JMJD1C: variants seen among roughly 807,000 people sequenced by gnomAD.
The protein encoded by JMJD1C is jumonji domain containing 1C.
A neutral mutation model predicts 245.3 loss-of-function variants in JMJD1C; 31 were observed. The observed-to-expected ratio is 0.13, with a 90% CI of 0.09 to 0.17. The LOEUF (loss-of-function observed/expected upper bound fraction) is 0.17. Among genes scored for constraint, JMJD1C ranks in the 10% least tolerant of loss-of-function variants. The pLI, the probability that JMJD1C is intolerant of heterozygous loss-of-function variation, is 1.00. For synonymous variants in JMJD1C, 1,057 were observed against 1,017.4 expected (o/e 1.04, Z -0.74); for missense variants, 2,691 against 3,000.2 (o/e 0.90, Z 2.41).
chr10:63,513,010 T>C (rs565274153), intron 1 of JMJD1C, among the ~76,000 whole-genome samples: 1 of 152,208 alleles, frequency 6.6e-6, no homozygotes, highest in African/African-American at 2.4e-5. Context: ...TACAATATTT[T>C]TTACTATTTT....
intron 3 of JMJD1C, chr10:63,222,270 C>A: frequency 1.2e-6 from 1 of 858,456 alleles, no homozygotes; most frequent in Non-Finnish European, 2.0e-6. Context: ...ACAGGGAGAG[C>A]TGTCGAGATT....
chr10:63,422,665 A>C (rs1460283712), intron 1 of JMJD1C, among the ~76,000 whole-genome samples: 1 of 152,172 alleles, frequency 6.6e-6, no homozygotes, highest in African/African-American at 2.4e-5. Flanking sequence ...CTTTTTGCGT[A>C]GAGAGCATGA....
At chr10:63,434,557 G>A (rs928347915) in intron 1 of JMJD1C, among the ~76,000 whole-genome samples, 1 of 152,006 alleles carries the variant, frequency 6.6e-6, no homozygotes, top group Non-Finnish European at 1.5e-5. Context: ...TTCCAGAGGA[G>A]GTTCTCTCTA....
Position 63,427,668 on chromosome 10 carries a change from C to T in JMJD1C, c.168+37827G>A, listed in dbSNP as rs573645780. 4,735 of 1,306,442 alleles carry T rather than the reference C, an allele frequency of 3.6e-3. 13 individuals carry two copies. Among genetic ancestry groups the T allele is most frequent in the Non-Finnish European group, 4.3e-3 (3,895 of 904,320 alleles). 80.9% of individuals were successfully genotyped at this position (1,306,442 alleles called of 1,614,324 possible). On this transcript the variant is annotated intron_variant, in intron 1 of 25. Transcript: ENST00000399262. Reference sequence around the variant, plus strand: ...TGAACTCTAACAACAGTGGCTGGACCGAAATCCGCAGAGAAGCCTGGGTCT... The same window carrying T: ...TGAACTCTAACAACAGTGGCTGGACTGAAATCCGCAGAGAAGCCTGGGTCT...
chr10:63,473,753 ATACT>A (rs1953568100), intron 1 of JMJD1C, among the ~76,000 whole-genome samples: 1 of 152,016 alleles, frequency 6.6e-6, no homozygotes, highest in African/African-American at 2.4e-5. Context: ...ACTGAAATAC[ATACT>A]TGGGGCCAGG....
intron 1 of JMJD1C, among the ~76,000 whole-genome samples, chr10:63,504,632 T>C (rs1954661663): frequency 6.6e-6 from 1 of 152,078 alleles, no homozygotes; most frequent in African/African-American, 2.4e-5. Context: ...TGGGCAAACA[T>C]GAAATTTAAT....
In JMJD1C at chr10:63,184,386, G is replaced by A. The variant is rs548565400; in HGVS notation, c.6961+222C>T. Among the ~76,000 whole-genome samples the A allele has an allele frequency of 2.0e-5, 3 of 152,150 alleles. No individual in the cohort carries two copies. In the South Asian group the frequency reaches 6.2e-4, roughly 32 times the overall value. The stretch of plus-strand genomic sequence containing the variant: ...GCCTCCTGAGTAGCTGGGACTATAG[G>A]CGCACGCCACCACACCTGGCTAATT... On this transcript the variant is annotated intron_variant, in intron 21 of 25. Transcript: ENST00000399262.
chr10:63,467,649 T>C (rs548804796), upstream of JMJD1C, among the ~76,000 whole-genome samples: 8 of 152,398 alleles, frequency 5.2e-5, no homozygotes, highest in Admixed American at 4.6e-4. Flanking sequence ...GTGTACACTG[T>C]ATAATACTTA....
At chr10:63,442,740 T>C (rs1462392628) in intron 1 of JMJD1C, among the ~76,000 whole-genome samples, 1 of 152,238 alleles carries the variant, frequency 6.6e-6, no homozygotes, top group African/African-American at 2.4e-5. Context: ...AGCTTCTCCA[T>C]TAAGCCTTCC....
chr10:63,370,857 T>A (rs890777132), intron 2 of JMJD1C, among the ~76,000 whole-genome samples: 1 of 152,218 alleles, frequency 6.6e-6, no homozygotes, highest in Non-Finnish European at 1.5e-5. Context: ...AAATACTGAA[T>A]AACATCATTA....
chr10:63,320,012 C>T (rs1940649981), intron 2 of JMJD1C, among the ~76,000 whole-genome samples: 2 of 151,626 alleles, frequency 1.3e-5, no homozygotes, highest in South Asian at 4.2e-4. Flanking sequence ...GTGATCCACC[C>T]GCCTCAGCCT....
chr10:63,448,037 G>A (rs1228171331), intron 1 of JMJD1C, among the ~76,000 whole-genome samples: 3 of 152,088 alleles, frequency 2.0e-5, no homozygotes, highest in Non-Finnish European at 2.9e-5. Context: ...TTTGTCCTAT[G>A]TAAAAATAAA....
At chr10:63,481,958 G>A (rs1289401342) in intron 1 of JMJD1C, among the ~76,000 whole-genome samples, 1 of 152,168 alleles carries the variant, frequency 6.6e-6, no homozygotes, top group Admixed American at 6.5e-5. Flanking sequence ...TCATCTAGAT[G>A]TATGACGAAC....
At chr10:63,465,192 T>A in intron 1 of JMJD1C, 1 of 359,318 alleles carries the variant, frequency 2.8e-6, no homozygotes, top group Non-Finnish European at 5.0e-6. Flanking sequence ...TTCGGGGAGG[T>A]CTCCGTGGCC....
rs541157614 is a variant in JMJD1C, at chr10:63,402,679, A to G, written c.169-22197T>C. ...GAAGAGTCCCTGTAACTACAACCAT[A>G]TAATAAACATACTAGAAATTAGACT... On this transcript the variant is annotated intron_variant, in intron 1 of 25. Transcript: ENST00000399262. Among the ~76,000 whole-genome samples the G allele has an allele frequency of 2.8e-3, 430 of 152,318 alleles. 2 individuals carry two copies. Among genetic ancestry groups the G allele is most frequent in the Admixed American group, 6.3e-3 (97 of 15,298 alleles).
chr10:63,238,006 T>TGA (rs1491302574), intron 3 of JMJD1C, among the ~76,000 whole-genome samples: 1 of 27,602 alleles, frequency 3.6e-5, no homozygotes, highest in Non-Finnish European at 6.0e-5. Context: ...CCGTCTCTAC[T>TGA]AAAAAAAAAA....
intron 1 of JMJD1C, among the ~76,000 whole-genome samples, chr10:63,504,172 C>A (rs947901862): frequency 2.6e-5 from 4 of 152,108 alleles, no homozygotes; most frequent in African/African-American, 9.7e-5. Flanking sequence ...TATAGATAAC[C>A]ACCCAAATTC....
rs1554861354 is a variant in JMJD1C, at chr10:63,263,980, A to ACACACT, written c.447+670_447+671insAGTGTG. On this transcript the variant is annotated intron_variant, in intron 3 of 25. Transcript: ENST00000399262. ...CACATACACACACACACACACACAC[A>ACACACT]CACACACACACACACACACACACAC... 6.8e-5 allele frequency among the ~76,000 whole-genome samples: 9 copies of ACACACT among 131,636 alleles called. No homozygotes were observed. In the South Asian group the frequency reaches 7.8e-4, roughly 11 times the overall value. The allele number at this position is 131,636 out of a possible 152,430, so 86.4% of individuals were successfully genotyped here. A position where few individuals can be genotyped will look rare whatever the true frequency, so the allele number is the denominator to read the frequency against.
intron 3 of JMJD1C, among the ~76,000 whole-genome samples, chr10:63,245,756 T>A (rs981731910): frequency 6.6e-6 from 1 of 152,178 alleles, no homozygotes; most frequent in Non-Finnish European, 1.5e-5. Flanking sequence ...GTGCTGGGAT[T>A]ACAGGCGTGA....
Sources: allele counts gnomAD v4.1 joint callset (sites outside exome capture counted in the v4.1 genomes callset), GRCh38; gene constraint gnomAD v4.1.1; transcripts MANE v1.5; gene names NCBI Gene and HGNC (gene_info 2026-07-23, HGNC 2026-07-21).